NR4A3: variants seen among roughly 807,000 people sequenced by gnomAD.
NR4A3 encodes nuclear receptor subfamily 4 group A member 3, also known as chondrosarcoma, extraskeletal myxoid, fused to EWS.
Under a neutral mutation model 55.6 loss-of-function variants are expected in NR4A3, and 13 were observed. The observed-to-expected ratio is 0.23, with a 90% CI of 0.15 to 0.37. The LOEUF is 0.37. Ranked by LOEUF, NR4A3 falls within the 10% of genes least tolerant of loss-of-function variation. NR4A3 has a pLI of 1.00. For synonymous variants in NR4A3, 342 were observed against 357.9 expected, an observed-to-expected ratio of 0.96 and a Z score of 0.50; for missense variants, 646 against 822.8, an observed-to-expected ratio of 0.79 and a Z score of 2.63.
intron 5 of NR4A3, among the ~76,000 whole-genome samples, chr9:99,843,079 G>C (rs753808796): frequency 1.1e-4 from 17 of 152,184 alleles, no homozygotes; most frequent in Non-Finnish European, 1.6e-4. Context: ...CCTGCTTGCA[G>C]CAGAAAAGTC....
intron 6 of NR4A3, 140 bp from the exon 7 acceptor site, chr9:99,847,297 G>C (rs777327939): frequency 2.3e-4 from 164 of 714,160 alleles, no homozygotes; most frequent in Non-Finnish European, 1.1e-4. Flanking sequence ...ATTCATTGTG[G>C]GTATCTGGCA....
intron 4 of NR4A3, 44 bp downstream of exon 4, chr9:99,832,862 T>C (rs755356737): frequency 7.1e-7 from 1 of 1,402,668 alleles, no homozygotes; most frequent in South Asian, 1.8e-5. Flanking sequence ...ATACATATTA[T>C]CAGAAATCAG....
At position 99,825,419 on chromosome 9, in the gene NR4A3, G is replaced by A. The variant is rs1827276177; in HGVS notation, c.-176-240G>A. 6.6e-6 allele frequency among the ~76,000 whole-genome samples: 1 copy of A among 152,162 alleles called. No individual in the cohort carries two copies. The highest frequency in any genetic ancestry group is 1.5e-5 in the Non-Finnish European group (1 of 68,010). The stretch of plus-strand genomic sequence containing the variant: ...CTCGGTTTTGGTGCCACAAAACGGT[G>A]GTAGGCGCAGTGGGTTCCAACAACC... On this transcript the variant is annotated intron_variant, in intron 1 of 7. Transcript: ENST00000395097. The surrounding 1 kb of genome is among the most constrained non-coding windows in gnomAD (Gnocchi z 5.0).
At chr9:99,856,287 G>A (rs374788653) in intron 7 of NR4A3, among the ~76,000 whole-genome samples, 23 of 149,722 alleles carry the variant, frequency 1.5e-4, no homozygotes, top group African/African-American at 5.2e-4. Context: ...AGATCACCAC[G>A]CATTAGATTC....
chr9:99,864,062 G>T lies in NR4A3; in HGVS notation c.*195G>T. 3.5e-5 allele frequency: 17 copies of T among 482,828 alleles called. No individual in the cohort carries two copies. Among genetic ancestry groups the T allele is most frequent in the Non-Finnish European group, 3.7e-5 (10 of 273,158 alleles). 29.9% of individuals were successfully genotyped at this position (482,828 alleles called of 1,614,324 possible). A position where few individuals can be genotyped will look rare whatever the true frequency, so the allele number is the denominator to read the frequency against. On this transcript the variant is annotated 3_prime_UTR_variant, in exon 8 of 8. Transcript: ENST00000395097. ...AGCCAGAAAACTTGCAGAGTATTGTGTTGGGGTTGTGTTTTATATTTAGGC... is the reference window on the plus strand; with the variant it reads ...AGCCAGAAAACTTGCAGAGTATTGTTTTGGGGTTGTGTTTTATATTTAGGC...
chr9:99,834,855 T>C (rs772190631), intron 5 of NR4A3: 1 of 984,816 alleles, frequency 1.0e-6, no homozygotes, highest in Non-Finnish European at 1.2e-6. Context: ...AGGACTCTTA[T>C]TCTGATTATA....
At chr9:99,856,089 G>A (rs1241650572) in intron 7 of NR4A3, among the ~76,000 whole-genome samples, 2 of 152,134 alleles carry the variant, frequency 1.3e-5, no homozygotes, top group East Asian at 1.9e-4. Context: ...TTGGACTGGG[G>A]TCGGAGGAAT....
At chr9:99,861,597 G>A (rs974119548) in intron 7 of NR4A3, among the ~76,000 whole-genome samples, 8 of 152,238 alleles carry the variant, frequency 5.3e-5, no homozygotes, top group East Asian at 1.9e-4. Flanking sequence ...AAGTTCAACC[G>A]TCTCCTTTTA....
At chr9:99,827,781 G>C (rs531862737) in intron 2 of NR4A3, among the ~76,000 whole-genome samples, 4 of 152,184 alleles carry the variant, frequency 2.6e-5, no homozygotes, top group Non-Finnish European at 5.9e-5. Context: ...AAATCTAGTG[G>C]AGGACAGGGC....
intron 7 of NR4A3, among the ~76,000 whole-genome samples, chr9:99,856,841 C>T (rs752563891): frequency 1.3e-5 from 2 of 152,214 alleles, no homozygotes; most frequent in Admixed American, 6.5e-5. Context: ...CCCAGTGATG[C>T]TGATGCTGCT....
At chr9:99,860,675 T>C (rs1827996059) in intron 7 of NR4A3, among the ~76,000 whole-genome samples, 1 of 152,212 alleles carries the variant, frequency 6.6e-6, no homozygotes, top group African/African-American at 2.4e-5. Flanking sequence ...TGATAAGCCG[T>C]AGGAGACAGG....
At chr9:99,858,858 A>G (rs1198360556) in intron 7 of NR4A3, among the ~76,000 whole-genome samples, 2 of 152,188 alleles carry the variant, frequency 1.3e-5, no homozygotes, top group Non-Finnish European at 2.9e-5. Flanking sequence ...AGTGTTGTAT[A>G]AAGTGCTATT....
chr9:99,834,767 G>A, intron 5 of NR4A3: 1 of 984,690 alleles, frequency 1.0e-6, no homozygotes, highest in Non-Finnish European at 1.2e-6. Context: ...CCTCATTATA[G>A]GCTGCGAAGC....
intron 3 of NR4A3, 100 bp downstream of exon 3, chr9:99,829,093 C>G: frequency 1.7e-6 from 2 of 1,207,078 alleles, no homozygotes; most frequent in Non-Finnish European, 2.1e-6. Flanking sequence ...GGTTTGAGAG[C>G]TGTAATCGGC....
intron 3 of NR4A3, among the ~76,000 whole-genome samples, chr9:99,829,349 G>T (rs189368127): frequency 1.3e-5 from 2 of 152,362 alleles, no homozygotes; most frequent in Non-Finnish European, 2.9e-5. Context: ...TGAGGGGATA[G>T]TGTGTGCGTA....
At chr9:99,839,752 T>G (rs536331571) in intron 5 of NR4A3, among the ~76,000 whole-genome samples, 1 of 152,258 alleles carries the variant, frequency 6.6e-6, no homozygotes, top group African/African-American at 2.4e-5. Context: ...TGGAAAAAAA[T>G]TAGTATAAAC....
rs188717865 is a variant in NR4A3 at position 99,832,592 on chromosome 9, C to T, written c.952-97C>T. The T allele has an allele frequency of 3.8e-5, 40 of 1,039,112 alleles. No homozygotes were observed. In the East Asian group the frequency reaches 9.4e-4, roughly 24 times the overall value. 64.4% of individuals were successfully genotyped at this position (1,039,112 alleles called of 1,614,324 possible). A position where few individuals can be genotyped will look rare whatever the true frequency, so the allele number is the denominator to read the frequency against. ...TAAATTTATCGAATTATACGAATTGCACTGTCGCTTTTCACATTGTAATTA... is the reference window on the plus strand; with the variant it reads ...TAAATTTATCGAATTATACGAATTGTACTGTCGCTTTTCACATTGTAATTA... On this transcript the variant is annotated intron_variant, in intron 3 of 7. Transcript: ENST00000395097.
At position 99,828,032 on chromosome 9, in the gene NR4A3, T is replaced by A. The variant is rs1458144333; in HGVS notation, c.-2-9T>A. On this transcript the variant is annotated splice_polypyrimidine_tract_variant and intron_variant, in intron 2 of 7. Transcript: ENST00000395097. The surrounding 1 kb of genome is among the most constrained non-coding windows in gnomAD (Gnocchi z 7.7). Reference sequence around the variant, plus strand: ...TGCTTCTGAGAGACCCTTTTCTCTGTCCCTGCAGATATGCCCTGCGTCCAA... The same window carrying A: ...TGCTTCTGAGAGACCCTTTTCTCTGACCCTGCAGATATGCCCTGCGTCCAA... The A allele has an allele frequency of 2.5e-6, 4 of 1,608,254 alleles. No homozygotes were observed. The highest frequency in any genetic ancestry group is 3.4e-6 in the Non-Finnish European group (4 of 1,176,736).
intron 5 of NR4A3, among the ~76,000 whole-genome samples, chr9:99,839,513 G>C (rs1682303072): frequency 1.3e-5 from 2 of 152,276 alleles, no homozygotes; most frequent in Admixed American, 1.3e-4. Context: ...CTCATTTGGG[G>C]CCTGGGCTAT....
Sources: gnomAD v4.1 joint callset for allele counts (sites outside exome capture counted in the v4.1 genomes callset) on GRCh38, gnomAD v4.1.1 for gene constraint, Gnocchi (gnomAD v3.1) non-coding constraint, MANE v1.5 for transcripts, NCBI Gene and HGNC (gene_info 2026-07-23, HGNC 2026-07-21) for gene names.